HS6ST3: variants seen among roughly 807,000 people sequenced by gnomAD.
The protein encoded by HS6ST3 is heparan sulfate 6-O-sulfotransferase 3.
In HS6ST3, 12 loss-of-function variants were observed where a neutral mutation model predicts 36.7. The ratio of observed to expected loss-of-function variants is 0.33; its 90% CI spans 0.21 to 0.53. The LOEUF (loss-of-function observed/expected upper bound fraction) is 0.53. Among genes scored for constraint, HS6ST3 ranks in the 20% least tolerant of loss-of-function variants. HS6ST3 has a pLI of 0.95. For missense variants in HS6ST3, 584 were observed against 640.9 expected (o/e 0.91, Z 0.96); for synonymous variants, 240 against 257.5 (o/e 0.93, Z 0.65).
At chr13:96,372,699 G>T (rs2055295687) in intron 1 of HS6ST3, among the ~76,000 whole-genome samples, 1 of 152,162 alleles carries the variant, frequency 6.6e-6, no homozygotes, top group African/African-American at 2.4e-5. Context: ...TTTTTTGCAT[G>T]TGAGATAAAG....
chr13:96,680,605 G>C (rs1357961477), intron 1 of HS6ST3, among the ~76,000 whole-genome samples: 1 of 152,068 alleles, frequency 6.6e-6, no homozygotes. Context: ...GGGAAGTTTC[G>C]AAACCATCAT....
At chr13:96,336,983 A>G (rs2055104736) in intron 1 of HS6ST3, among the ~76,000 whole-genome samples, 1 of 152,150 alleles carries the variant, frequency 6.6e-6, no homozygotes, top group Non-Finnish European at 1.5e-5. Context: ...ACCAGTTACT[A>G]CTTCATCCTC....
At chr13:96,814,029 C>T (rs1213785170) in intron 1 of HS6ST3, among the ~76,000 whole-genome samples, 3 of 151,944 alleles carry the variant, frequency 2.0e-5, no homozygotes, top group Admixed American at 6.6e-5. Flanking sequence ...ATATTCAATC[C>T]GTGAATTCTG....
intron 1 of HS6ST3, among the ~76,000 whole-genome samples, chr13:96,279,551 A>G (rs2054764932): frequency 6.6e-6 from 1 of 152,206 alleles, no homozygotes; most frequent in Non-Finnish European, 1.5e-5. Flanking sequence ...GGTTGATTGC[A>G]GAAAGAAAAC....
chr13:96,766,098 A>C (rs959445286), intron 1 of HS6ST3, among the ~76,000 whole-genome samples: 1 of 152,202 alleles, frequency 6.6e-6, no homozygotes, highest in Non-Finnish European at 1.5e-5. Context: ...AAGCATAAGA[A>C]AAATAGCTGT....
rs536210535 is a variant in HS6ST3, at chr13:96,168,508, G to C, written c.707+76939G>C. ...ATCCCTTCAGCCTAGGAGTTCAAAA[G>C]CATCCTGGGCAACATAGGGAGACCT... On this transcript the variant is annotated intron_variant, in intron 1 of 1. Transcript: ENST00000376705. Among the ~76,000 whole-genome samples, 13 of 151,946 alleles carry C rather than the reference G, an allele frequency of 8.6e-5. 1 individual carries two copies. Among genetic ancestry groups the C allele is most frequent in the African/African-American group, 2.9e-4 (12 of 41,452 alleles).
At chr13:96,186,800 G>C (rs1161890755) in intron 1 of HS6ST3, among the ~76,000 whole-genome samples, 2 of 152,118 alleles carry the variant, frequency 1.3e-5, no homozygotes, top group Non-Finnish European at 2.9e-5. Context: ...CTCTGTGTGT[G>C]AGTACTCATA....
rs145813656 is a variant in HS6ST3, at chr13:96,535,366, C to A, written c.708-297124C>A. Among the ~76,000 whole-genome samples the A allele has an allele frequency of 5.0e-3, 759 of 151,960 alleles. 4 individuals carry two copies. The highest frequency in any genetic ancestry group is 7.6e-3 in the Non-Finnish European group (514 of 67,974). ...GGTCAGGAGATCGAGACCATCCTGG[C>A]TAACACAGTGAAACCCTGTCTCTAC... is the stretch of plus-strand genomic sequence containing the variant. On this transcript the variant is annotated intron_variant, in intron 1 of 1. Transcript: ENST00000376705.
Position 96,579,496 on chromosome 13 carries a change from G to A in HS6ST3, c.708-252994G>A, listed in dbSNP as rs191014004. On this transcript the variant is annotated intron_variant, in intron 1 of 1. Transcript: ENST00000376705. The stretch of plus-strand genomic sequence containing the variant: ...AAAACTTTTTAGATCCTGTAGGACT[G>A]TGAAGCTGCCACACCAGTCCATGGA... Among the ~76,000 whole-genome samples the A allele has an allele frequency of 2.6e-3, 391 of 152,052 alleles. 1 individual carries two copies. Among genetic ancestry groups the A allele is most frequent in the African/African-American group, 9.0e-3 (372 of 41,464 alleles).
At chr13:96,530,505 CTTT>C (rs113518179) in intron 1 of HS6ST3, among the ~76,000 whole-genome samples, 5 of 142,578 alleles carry the variant, frequency 3.5e-5, no homozygotes, top group Admixed American at 1.4e-4. Flanking sequence ...TTTTCTTTCC[CTTT>C]TTTTTTTTTT....
intron 1 of HS6ST3, among the ~76,000 whole-genome samples, chr13:96,503,247 T>G (rs2056012693): frequency 6.6e-6 from 1 of 152,158 alleles, no homozygotes; most frequent in South Asian, 2.1e-4. Flanking sequence ...TTTTGTTACA[T>G]GCACACCAAA....
At chr13:96,635,704 G>A (rs558979118) in intron 1 of HS6ST3, among the ~76,000 whole-genome samples, 3 of 152,242 alleles carry the variant, frequency 2.0e-5, no homozygotes, top group Admixed American at 2.0e-4. Context: ...ATGAGTTGCA[G>A]TGCTCCACAC....
intron 1 of HS6ST3, among the ~76,000 whole-genome samples, chr13:96,597,913 C>T (rs1001755734): frequency 6.6e-6 from 1 of 152,018 alleles, no homozygotes. Context: ...TTCCCAACAC[C>T]GTTCACTGAA....
Position 96,521,394 on chromosome 13 carries a change from T to C in HS6ST3, c.708-311096T>C, listed in dbSNP as rs570428197. Among the ~76,000 whole-genome samples, 9 of 152,330 alleles carry C rather than the reference T, an allele frequency of 5.9e-5. No individual in the cohort carries two copies. The East Asian group carries it at 1.7e-3, about 29-fold the overall frequency. On this transcript the variant is annotated intron_variant, in intron 1 of 1. Coordinates refer to ENST00000376705, the MANE Select transcript of HS6ST3 (RefSeq NM_153456.4). Reference sequence around the variant, plus strand: ...TGAGTTAGGGAGGATTCCCTCTTTTTCTATTGATTGGAATAGTTTCAGAAG... The same window carrying C: ...TGAGTTAGGGAGGATTCCCTCTTTTCCTATTGATTGGAATAGTTTCAGAAG...
intron 1 of HS6ST3, among the ~76,000 whole-genome samples, chr13:96,152,997 G>T (rs1364228760): frequency 6.6e-6 from 1 of 152,062 alleles, no homozygotes; most frequent in Non-Finnish European, 1.5e-5. Flanking sequence ...CTCCCTACCT[G>T]TTAAACTAGT....
chr13:96,436,742 G>T (rs1370197347), intron 1 of HS6ST3, among the ~76,000 whole-genome samples: 1 of 152,200 alleles, frequency 6.6e-6, no homozygotes, highest in Admixed American at 6.5e-5. Flanking sequence ...GCCAGAAGAA[G>T]AGCCCTCACC....
At chr13:96,761,616 C>T (rs1436564242) in intron 1 of HS6ST3, among the ~76,000 whole-genome samples, 3 of 152,004 alleles carry the variant, frequency 2.0e-5, no homozygotes, top group Admixed American at 6.6e-5. Context: ...CTCCAGAGGC[C>T]GTCATCACTC....
chr13:96,773,571 C>T (rs567375950), intron 1 of HS6ST3, among the ~76,000 whole-genome samples: 14 of 152,320 alleles, frequency 9.2e-5, no homozygotes, highest in Non-Finnish European at 1.9e-4. Context: ...AAAGTTCCAA[C>T]GGGGCAGAAC....
intron 1 of HS6ST3, among the ~76,000 whole-genome samples, chr13:96,671,461 C>T (rs906345668): frequency 6.6e-6 from 1 of 152,142 alleles, no homozygotes; most frequent in Non-Finnish European, 1.5e-5. Flanking sequence ...TACCATAAAT[C>T]AGTTGCCAAG....
Sources: allele counts gnomAD v4.1 joint callset (sites outside exome capture counted in the v4.1 genomes callset), GRCh38; gene constraint gnomAD v4.1.1; transcripts MANE v1.5; gene names NCBI Gene and HGNC (gene_info 2026-07-23, HGNC 2026-07-21).